The following CCDC148 variants were observed in gnomAD, a reference collection of about 807,000 sequenced individuals.
CCDC148 encodes coiled-coil domain-containing protein 148.
CCDC148 carries 89 observed loss-of-function variants against 85.7 expected under a neutral mutation model. The observed-to-expected ratio is 1.04, with a 90% CI of 0.87 to 1.24. The LOEUF (loss-of-function observed/expected upper bound fraction) is 1.24, where lower values mean the gene tolerates loss of function less well. Ranked by LOEUF, CCDC148 falls within the 50% of genes most tolerant of loss-of-function variation. The pLI is 0.00. For synonymous variants in CCDC148, 230 were observed against 213.9 expected (o/e 1.08, Z -0.66); for missense variants, 692 against 671.7 (o/e 1.03, Z -0.33).
chr2:158,190,409 C>A (rs1332747844), intron 11 of CCDC148, among the ~76,000 whole-genome samples: 1 of 151,892 alleles, frequency 6.6e-6, no homozygotes, highest in Non-Finnish European at 1.5e-5. Flanking sequence ...AAATGTATAA[C>A]AATCATATTT....
At chr2:158,173,188 C>T (rs1684400434) in intron 13 of CCDC148, among the ~76,000 whole-genome samples, 1 of 151,920 alleles carries the variant, frequency 6.6e-6, no homozygotes, top group Non-Finnish European at 1.5e-5. Flanking sequence ...CCAACTTAGT[C>T]TATAAAGCAG....
chr2:158,335,204 G>A (rs916956773), intron 7 of CCDC148, among the ~76,000 whole-genome samples: 8 of 152,122 alleles, frequency 5.3e-5, no homozygotes, highest in African/African-American at 1.4e-4. Flanking sequence ...CAGCAGTAAC[G>A]TCAGCCATGT....
At chr2:158,204,202 T>C (rs548636376) in intron 11 of CCDC148, among the ~76,000 whole-genome samples, 2 of 152,286 alleles carry the variant, frequency 1.3e-5, no homozygotes, top group South Asian at 2.1e-4. Flanking sequence ...CTGGAGAAGA[T>C]AAAAATTTAA....
intron 1 of CCDC148, among the ~76,000 whole-genome samples, chr2:158,433,824 T>C (rs961469709): frequency 2.6e-5 from 4 of 152,232 alleles, no homozygotes; most frequent in Admixed American, 6.5e-5. Flanking sequence ...CAGGAGATTA[T>C]ATCCTGTGCC....
intron 3 of CCDC148, among the ~76,000 whole-genome samples, chr2:158,344,144 C>A (rs1007011451): frequency 6.6e-6 from 1 of 151,812 alleles, no homozygotes; most frequent in Admixed American, 6.6e-5. Context: ...TCCTTTTTGT[C>A]ATGTTTCAAG....
At chr2:158,259,295 G>A (rs1227160102) in intron 9 of CCDC148, among the ~76,000 whole-genome samples, 1 of 151,776 alleles carries the variant, frequency 6.6e-6, no homozygotes, top group Non-Finnish European at 1.5e-5. Context: ...TAGACATTCA[G>A]TCTTGTAATT....
intron 1 of CCDC148, among the ~76,000 whole-genome samples, chr2:158,427,916 A>T (rs1055624783): frequency 4.6e-5 from 7 of 152,190 alleles, no homozygotes; most frequent in Admixed American, 1.3e-4. Context: ...GAAAGAAGCC[A>T]GTTGGTTGGG....
intron 9 of CCDC148, among the ~76,000 whole-genome samples, chr2:158,253,695 A>G (rs1049024252): frequency 6.6e-6 from 1 of 151,670 alleles, no homozygotes; most frequent in African/African-American, 2.4e-5. Flanking sequence ...AATAAGAAAA[A>G]ATGATAGTAT....
intron 7 of CCDC148, among the ~76,000 whole-genome samples, chr2:158,333,483 C>T (rs1693255995): frequency 6.6e-6 from 1 of 152,054 alleles, no homozygotes. Context: ...CTGAAGAGAA[C>T]GCATATTTTG....
intron 9 of CCDC148, among the ~76,000 whole-genome samples, chr2:158,278,747 C>A (rs1365264371): frequency 1.3e-5 from 2 of 152,264 alleles, no homozygotes; most frequent in Non-Finnish European, 2.9e-5. Flanking sequence ...AATTAAATGT[C>A]CCTGTCTGAC....
At chr2:158,279,079 G>A (rs1234209960) in intron 9 of CCDC148, among the ~76,000 whole-genome samples, 1 of 152,200 alleles carries the variant, frequency 6.6e-6, no homozygotes. Flanking sequence ...CTGTCTGTTA[G>A]AAGGAAAACT....
At chr2:158,216,343 G>A (rs779010736) in intron 11 of CCDC148, among the ~76,000 whole-genome samples, 5 of 144,004 alleles carry the variant, frequency 3.5e-5, no homozygotes, top group East Asian at 2.0e-4. Context: ...CTATATATAC[G>A]TACTGTAAAA....
chr2:158,367,759 C>A (rs1354912279), intron 1 of CCDC148, among the ~76,000 whole-genome samples: 2 of 152,138 alleles, frequency 1.3e-5, no homozygotes, highest in African/African-American at 2.4e-5. Flanking sequence ...ACTTCCTGAC[C>A]TGCATACTTT....
chr2:158,359,282 T>C (rs964182022), intron 1 of CCDC148, among the ~76,000 whole-genome samples: 2 of 152,180 alleles, frequency 1.3e-5, no homozygotes, highest in African/African-American at 4.8e-5. Context: ...CTGTGTCATA[T>C]AAAGTAATTG....
intron 7 of CCDC148, 50 bp from the exon 8 acceptor site, chr2:158,313,944 T>C: frequency 6.3e-7 from 1 of 1,575,080 alleles, no homozygotes; most frequent in Non-Finnish European, 8.6e-7. Context: ...TCATGAAATT[T>C]GAGGGACTCA....
At chr2:158,218,244 T>C (rs893885387) in intron 11 of CCDC148, among the ~76,000 whole-genome samples, 1 of 152,200 alleles carries the variant, frequency 6.6e-6, no homozygotes, top group African/African-American at 2.4e-5. Flanking sequence ...ATCAACTCTG[T>C]CCTCAGAAGT....
At chr2:158,263,336 T>C (rs139428620) in intron 9 of CCDC148, among the ~76,000 whole-genome samples, 49 of 152,106 alleles carry the variant, frequency 3.2e-4, no homozygotes, top group African/African-American at 1.0e-3. Context: ...ACTATTGCAA[T>C]GGCTGGCACA....
intron 1 of CCDC148, among the ~76,000 whole-genome samples, chr2:158,410,568 T>G (rs1175388178): frequency 6.6e-6 from 1 of 152,172 alleles, no homozygotes; most frequent in African/African-American, 2.4e-5. Context: ...ATAAAATATC[T>G]TGTATTTATT....
chr2:158,438,137 G>A (rs1343257134), intron 1 of CCDC148, among the ~76,000 whole-genome samples: 3 of 152,126 alleles, frequency 2.0e-5, no homozygotes, highest in South Asian at 4.2e-4. Context: ...TAAAGTTCAT[G>A]TGGAACCAAA....
Sources: allele counts gnomAD v4.1 joint callset (sites outside exome capture counted in the v4.1 genomes callset), GRCh38; gene constraint gnomAD v4.1.1; transcripts MANE v1.5; gene names NCBI Gene and HGNC (gene_info 2026-07-23, HGNC 2026-07-21).